SNTG1: variants seen among roughly 807,000 people sequenced by gnomAD.
The protein encoded by SNTG1 is gamma-1-syntrophin.
Under a neutral mutation model 74.7 loss-of-function variants are expected in SNTG1, and 39 were observed. That is an observed-to-expected ratio of 0.52 (90% CI 0.40 to 0.68). The LOEUF (loss-of-function observed/expected upper bound fraction) is 0.68, where lower values mean the gene tolerates loss of function less well. Ranked by LOEUF, SNTG1 falls within the 30% of genes least tolerant of loss-of-function variation. SNTG1 has a pLI of 0.00. For synonymous variants in SNTG1, 254 were observed against 217.1 expected (o/e 1.17, Z -1.49); for missense variants, 685 against 609.5 (o/e 1.12, Z -1.30).
At chr8:50,447,926 A>T (rs1587662736) in intron 5 of SNTG1, among the ~76,000 whole-genome samples, 1 of 152,218 alleles carries the variant, frequency 6.6e-6, no homozygotes, top group South Asian at 2.1e-4. Context: ...TTCCTCATAA[A>T]TCTTAATACA....
At chr8:50,327,586 T>C (rs1182244724) in intron 2 of SNTG1, among the ~76,000 whole-genome samples, 1 of 152,140 alleles carries the variant, frequency 6.6e-6, no homozygotes, top group Non-Finnish European at 1.5e-5. Flanking sequence ...AACATATAGT[T>C]GATTTTTATA....
chr8:49,941,951 G>A (rs1808731120), intron 1 of SNTG1, among the ~76,000 whole-genome samples: 1 of 152,152 alleles, frequency 6.6e-6, no homozygotes, highest in African/African-American at 2.4e-5. Context: ...GAAGTGTTCA[G>A]ACATATGTTG....
chr8:50,039,008 AG>A (rs1178876514), intron 1 of SNTG1, among the ~76,000 whole-genome samples: 1 of 152,194 alleles, frequency 6.6e-6, no homozygotes, highest in Non-Finnish European at 1.5e-5. Context: ...ATGACACATA[AG>A]GATGCCTTGT....
chr8:50,025,173 C>T (rs1817161182), intron 1 of SNTG1, among the ~76,000 whole-genome samples: 2 of 152,184 alleles, frequency 1.3e-5, no homozygotes, highest in South Asian at 2.1e-4. Context: ...CTAAAATAAA[C>T]ATTTTTAAAT....
chr8:50,263,160 G>A (rs147053833), intron 2 of SNTG1, among the ~76,000 whole-genome samples: 5 of 152,252 alleles, frequency 3.3e-5, no homozygotes, highest in Middle Eastern at 3.4e-3. Context: ...ATGTACCACC[G>A]TGGTGGGAGA....
intron 2 of SNTG1, among the ~76,000 whole-genome samples, chr8:50,337,559 G>GA (rs2091182782): frequency 2.0e-5 from 3 of 152,110 alleles, no homozygotes; most frequent in Admixed American, 2.0e-4. Context: ...CTCCCCTCAA[G>GA]AAAAACCTAG....
chr8:50,652,411 T>C (rs867724823), intron 13 of SNTG1, among the ~76,000 whole-genome samples: 1 of 152,212 alleles, frequency 6.6e-6, no homozygotes, highest in South Asian at 2.1e-4. Flanking sequence ...TTTATAGTTA[T>C]TCAATGAATT....
At chr8:49,952,254 G>C (rs774333381) in intron 1 of SNTG1, among the ~76,000 whole-genome samples, 14 of 152,190 alleles carry the variant, frequency 9.2e-5, no homozygotes, top group Admixed American at 2.0e-4. Context: ...TCTGAGGAAA[G>C]ACAGTAGACA....
At chr8:50,052,651 C>T (rs1819675436) in intron 1 of SNTG1, among the ~76,000 whole-genome samples, 1 of 152,024 alleles carries the variant, frequency 6.6e-6, no homozygotes. Flanking sequence ...ATTAGATAAA[C>T]TATTTGTCAA....
intron 5 of SNTG1, among the ~76,000 whole-genome samples, chr8:50,445,529 C>T (rs1469182904): frequency 1.3e-5 from 2 of 152,066 alleles, no homozygotes; most frequent in Admixed American, 1.3e-4. Flanking sequence ...TAGAGTCATT[C>T]TCAAAATGCT....
intron 2 of SNTG1, among the ~76,000 whole-genome samples, chr8:50,345,876 T>C (rs908483159): frequency 2.6e-5 from 4 of 152,238 alleles, no homozygotes; most frequent in African/African-American, 7.2e-5. Flanking sequence ...TTATCTGATA[T>C]CATTTTCAAT....
chr8:50,103,602 A>C (rs2080239600), intron 1 of SNTG1, among the ~76,000 whole-genome samples: 1 of 152,136 alleles, frequency 6.6e-6, no homozygotes. Flanking sequence ...ACTATGTTGA[A>C]TAGGAGTGGT....
At chr8:50,410,710 G>A (rs1471863178) in intron 4 of SNTG1, among the ~76,000 whole-genome samples, 2 of 152,058 alleles carry the variant, frequency 1.3e-5, no homozygotes, top group African/African-American at 2.4e-5. Context: ...TCTACTTTCT[G>A]TTTCTGTGGA....
intron 2 of SNTG1, among the ~76,000 whole-genome samples, chr8:50,207,189 C>A (rs1406933485): frequency 5.9e-5 from 9 of 152,142 alleles, no homozygotes; most frequent in Non-Finnish European, 1.0e-4. Context: ...GTGAATCCCT[C>A]TGGTCCTGGA....
intron 1 of SNTG1, among the ~76,000 whole-genome samples, chr8:49,928,340 CCAGCCT>C (rs1482204419): frequency 9.2e-5 from 14 of 151,484 alleles, no homozygotes; most frequent in African/African-American, 3.2e-4. Context: ...AAGCGATTCT[CCAGCCT>C]CAGCCTCCCA....
At chr8:50,757,957 C>A (rs1033222762) in intron 18 of SNTG1, among the ~76,000 whole-genome samples, 1 of 151,898 alleles carries the variant, frequency 6.6e-6, no homozygotes, top group Non-Finnish European at 1.5e-5. Context: ...CTTATAATAA[C>A]AAAATCCTCC....
intron 9 of SNTG1, among the ~76,000 whole-genome samples, chr8:50,525,805 G>A (rs1360681618): frequency 6.7e-6 from 1 of 149,374 alleles, no homozygotes; most frequent in Non-Finnish European, 1.5e-5. Context: ...GCTTCTTTGA[G>A]ATGATTATTT....
intron 1 of SNTG1, among the ~76,000 whole-genome samples, chr8:49,997,848 G>A (rs907399813): frequency 6.6e-6 from 1 of 152,076 alleles, no homozygotes; most frequent in African/African-American, 2.4e-5. Flanking sequence ...ATTATGCTAA[G>A]AATACAATTT....
At chr8:50,677,588 C>A (rs1327897213) in intron 15 of SNTG1, among the ~76,000 whole-genome samples, 1 of 151,856 alleles carries the variant, frequency 6.6e-6, no homozygotes, top group Non-Finnish European at 1.5e-5. Context: ...GTTTAGATTT[C>A]TGTTTACAGA....
Sources: gnomAD v4.1 joint callset for allele counts (sites outside exome capture counted in the v4.1 genomes callset) on GRCh38, gnomAD v4.1.1 for gene constraint, MANE v1.5 for transcripts, NCBI Gene and HGNC (gene_info 2026-07-23, HGNC 2026-07-21) for gene names.